The following ABLIM1 variants were observed in gnomAD, a reference collection of about 807,000 sequenced individuals.
The protein encoded by ABLIM1 is actin-binding LIM protein 1.
In ABLIM1, 40 loss-of-function variants were observed where a neutral mutation model predicts 107.0. The ratio of observed to expected loss-of-function variants is 0.37; its 90% confidence interval spans 0.29 to 0.49. ABLIM1 has a LOEUF of 0.49. ABLIM1 is among the 20% of genes least tolerant of loss of function. The pLI, the probability that ABLIM1 is intolerant of heterozygous loss-of-function variation, is 0.97. For synonymous variants in ABLIM1, 357 were observed against 357.3 expected (o/e 1.00, Z 0.01); for missense variants, 857 against 1,008.5 (o/e 0.85, Z 2.04).
intron 6 of ABLIM1, among the ~76,000 whole-genome samples, chr10:114,536,903 C>T (rs2066102580): frequency 6.6e-6 from 1 of 152,176 alleles, no homozygotes; most frequent in Non-Finnish European, 1.5e-5. Flanking sequence ...GTGGAGGCTA[C>T]AGATGCTTCA....
chr10:114,457,507 T>C (rs2063049361), intron 12 of ABLIM1, among the ~76,000 whole-genome samples: 1 of 152,048 alleles, frequency 6.6e-6, no homozygotes, highest in Non-Finnish European at 1.5e-5. Flanking sequence ...TGACCTCAAG[T>C]GATCTGTGGC....
At chr10:114,747,203 C>T (rs1230607704) in intron 1 of ABLIM1, among the ~76,000 whole-genome samples, 2 of 152,124 alleles carry the variant, frequency 1.3e-5, no homozygotes. Context: ...GAAAGATGAA[C>T]AGTCTAGCTT....
At chr10:114,505,857 C>G (rs1041541937) in intron 6 of ABLIM1, among the ~76,000 whole-genome samples, 2 of 152,114 alleles carry the variant, frequency 1.3e-5, no homozygotes, top group African/African-American at 4.8e-5. Context: ...TTAAAAAGGT[C>G]TTGTTTTCTC....
At chr10:114,704,236 C>G (rs1195630907) in intron 1 of ABLIM1, among the ~76,000 whole-genome samples, 1 of 140,506 alleles carries the variant, frequency 7.1e-6, no homozygotes, top group African/African-American at 2.8e-5. Flanking sequence ...CTCGAACAAT[C>G]TCTCTCTCTC....
At chr10:114,471,234 C>G (rs2066482825) in intron 10 of ABLIM1, among the ~76,000 whole-genome samples, 1 of 152,152 alleles carries the variant, frequency 6.6e-6, no homozygotes, top group South Asian at 2.1e-4. Flanking sequence ...CCTCAAAGCC[C>G]AAACTCTTGA....
chr10:114,555,410 ATCT>A (rs1307783613), intron 4 of ABLIM1, among the ~76,000 whole-genome samples: 1 of 152,168 alleles, frequency 6.6e-6, no homozygotes, highest in African/African-American at 2.4e-5. Flanking sequence ...CAGAGGACAA[ATCT>A]TCTTTTCTCA....
intron 1 of ABLIM1, among the ~76,000 whole-genome samples, chr10:114,602,735 G>A (rs916104474): frequency 2.0e-5 from 3 of 152,196 alleles, no homozygotes; most frequent in Non-Finnish European, 4.4e-5. Context: ...GGTCTTTTCA[G>A]ACCTTAACAT....
chr10:114,567,296 C>A (rs1393069495), intron 4 of ABLIM1, among the ~76,000 whole-genome samples: 1 of 152,180 alleles, frequency 6.6e-6, no homozygotes, highest in East Asian at 1.9e-4. Context: ...GGGTTTAGAT[C>A]CCAGCTCTGA....
intron 4 of ABLIM1, among the ~76,000 whole-genome samples, chr10:114,563,097 C>T (rs1365797394): frequency 1.3e-5 from 2 of 152,136 alleles, no homozygotes; most frequent in Admixed American, 1.3e-4. Flanking sequence ...AGAAGACATG[C>T]AAACAAAATA....
At position 114,619,383 on chromosome 10, in the gene ABLIM1, G is replaced by C. The variant is rs1347131675; in HGVS notation, c.245-17422C>G. ...GGCTAATTTTTTTATTTTTAGTAGA[G>C]ACGAGGTTTCACTATGTTGCCCAGG... is the stretch of plus-strand genomic sequence containing the variant. On this transcript the variant is annotated intron_variant, in intron 1 of 22. Transcript: ENST00000533213. This position sits in a 1 kb window ranked among gnomAD's most constrained non-coding sequence, Gnocchi z 4.1. Among the ~76,000 whole-genome samples the C allele has an allele frequency of 2.6e-5, 4 of 151,918 alleles. No individual in the cohort carries two copies. The highest frequency in any genetic ancestry group is 7.3e-5 in the African/African-American group (3 of 41,336).
At chr10:114,561,936 TG>T (rs2069766252) in intron 4 of ABLIM1, among the ~76,000 whole-genome samples, 1 of 152,230 alleles carries the variant, frequency 6.6e-6, no homozygotes, top group South Asian at 2.1e-4. Flanking sequence ...TGGATCACTC[TG>T]GGATCTTGAT....
intron 1 of ABLIM1, among the ~76,000 whole-genome samples, chr10:114,734,485 C>T (rs373687493): frequency 2.8e-4 from 43 of 151,176 alleles, no homozygotes; most frequent in African/African-American, 1.0e-3. Flanking sequence ...CCAGACAATT[C>T]TTCAACACAA....
In ABLIM1 at chr10:114,440,093, A is replaced by G. The variant is rs1340108672; in HGVS notation, c.2060-4T>C. 1 of 1,612,958 alleles carries G rather than the reference A, an allele frequency of 6.2e-7. No homozygotes were observed. Among genetic ancestry groups the G allele is most frequent in the African/African-American group, 1.3e-5 (1 of 74,926 alleles). On this transcript the variant is annotated splice_region_variant and splice_polypyrimidine_tract_variant and intron_variant, in intron 19 of 22. Coordinates refer to ENST00000533213, the MANE Select transcript of ABLIM1 (RefSeq NM_002313.7). ...AAAGTGTTCCATACCTGGTAATCTGAAAAGGAAAGGAAAAGAAAATATCAT... is the reference window on the plus strand; with the variant it reads ...AAAGTGTTCCATACCTGGTAATCTGGAAAGGAAAGGAAAAGAAAATATCAT...
intron 1 of ABLIM1, among the ~76,000 whole-genome samples, chr10:114,695,698 G>A (rs1385016746): frequency 6.6e-6 from 1 of 152,154 alleles, no homozygotes; most frequent in Non-Finnish European, 1.5e-5. Context: ...TCTGCTGCTA[G>A]AAATGGCAAT....
chr10:114,766,947 A>G (rs1435217735), intron 1 of ABLIM1, among the ~76,000 whole-genome samples: 1 of 152,208 alleles, frequency 6.6e-6, no homozygotes, highest in Admixed American at 6.5e-5. Flanking sequence ...TACAATATAA[A>G]TTCTGTCATT....
chr10:114,781,456 A>G, the ABLIM1 span, among the ~76,000 whole-genome samples: 2 of 151,922 alleles, frequency 1.3e-5, no homozygotes, highest in African/African-American at 4.8e-5. Context: ...GTGAGCCGAG[A>G]TCATGCCACT....
upstream of ABLIM1, among the ~76,000 whole-genome samples, chr10:114,689,082 C>T (rs1384708643): frequency 1.3e-5 from 2 of 152,162 alleles, no homozygotes; most frequent in East Asian, 3.9e-4. Flanking sequence ...ACGGAGGCTG[C>T]AGAGAGGGAG....
chr10:114,688,404 T>G (rs563903633), upstream of ABLIM1, among the ~76,000 whole-genome samples: 4 of 152,298 alleles, frequency 2.6e-5, no homozygotes, highest in South Asian at 8.3e-4. Flanking sequence ...AAGTAATGTT[T>G]GTCATTTTCC....
intron 1 of ABLIM1, among the ~76,000 whole-genome samples, chr10:114,681,688 G>A (rs1366838763): frequency 6.6e-6 from 1 of 152,352 alleles, no homozygotes; most frequent in East Asian, 1.9e-4. Flanking sequence ...TAGCAGGCTT[G>A]GGGAGTTCCT....
Sources: gnomAD v4.1 joint callset for allele counts (sites outside exome capture counted in the v4.1 genomes callset) on GRCh38, gnomAD v4.1.1 for gene constraint, Gnocchi (gnomAD v3.1) non-coding constraint, MANE v1.5 for transcripts, NCBI Gene and HGNC (gene_info 2026-07-23, HGNC 2026-07-21) for gene names.